RNF217: variants seen among roughly 807,000 people sequenced by gnomAD.
RNF217 encodes ring finger protein 217, also known as E3 ubiquitin-protein ligase RNF217.
RNF217 carries 31 observed loss-of-function variants against 57.8 expected under a neutral mutation model. That is an observed-to-expected ratio of 0.54 (90% CI 0.40 to 0.72). The LOEUF is 0.72. Ranked by LOEUF, RNF217 falls within the 30% of genes least tolerant of loss-of-function variation. RNF217 has a pLI of 0.00. For missense variants in RNF217, 696 were observed against 708.3 expected (o/e 0.98, Z 0.20); for synonymous variants, 313 against 294.0 (o/e 1.06, Z -0.66).
At chr6:125,078,573 T>C in intron 4 of RNF217, among the ~76,000 whole-genome samples, 1 of 152,118 alleles carries the variant, frequency 6.6e-6, no homozygotes, top group Non-Finnish European at 1.5e-5. Context: ...ACTTACCCTT[T>C]TGTCAGGAAC....
intron 1 of RNF217, among the ~76,000 whole-genome samples, chr6:125,000,058 T>C (rs1784917909): frequency 6.6e-6 from 1 of 152,152 alleles, no homozygotes; most frequent in Admixed American, 6.6e-5. Context: ...TCAAGCTATA[T>C]CTCTGTTTAA....
At chr6:125,069,678 G>A (rs1374963636) in intron 3 of RNF217, among the ~76,000 whole-genome samples, 2 of 152,078 alleles carry the variant, frequency 1.3e-5, no homozygotes, top group Non-Finnish European at 2.9e-5. Context: ...AGGACTCCTG[G>A]GTCCAACTGT....
intron 1 of RNF217, among the ~76,000 whole-genome samples, chr6:125,018,853 T>C (rs1332031682): frequency 1.3e-5 from 2 of 152,140 alleles, no homozygotes; most frequent in Non-Finnish European, 2.9e-5. Flanking sequence ...AGTGTGGTGA[T>C]ATAGATGCAC....
At chr6:124,982,650 T>G (rs1006206887) in intron 1 of RNF217, among the ~76,000 whole-genome samples, 2 of 152,190 alleles carry the variant, frequency 1.3e-5, no homozygotes, top group East Asian at 3.8e-4. Context: ...CATATGAGTC[T>G]ATGCTAGATC....
At chr6:124,984,541 C>CAAA (rs750251821) in intron 1 of RNF217, among the ~76,000 whole-genome samples, 20 of 74,186 alleles carry the variant, frequency 2.7e-4, no homozygotes, top group Non-Finnish European at 3.7e-4. Flanking sequence ...GACCCTTTCT[C>CAAA]AAAAAAAAAA....
rs2114667755 is a variant in RNF217 at position 125,085,754 on chromosome 6, G to A, written c.*2817G>A. On this transcript the variant is annotated 3_prime_UTR_variant, in exon 6 of 6. Coordinates refer to ENST00000521654, the MANE Select transcript of RNF217 (RefSeq NM_001286398.3). The stretch of plus-strand genomic sequence containing the variant: ...GTAACCACTGTTAATGGTTTGGTAT[G>A]TGTCCTTCCAGACACTTTCTACAAA... 1 of 151,904 alleles carries A rather than the reference G, an allele frequency of 6.6e-6. No homozygotes were observed. Among genetic ancestry groups the A allele is most frequent in the Non-Finnish European group, 1.5e-5 (1 of 67,792 alleles). The allele number at this position is 151,904 out of a possible 1,614,324, so 9.4% of individuals were successfully genotyped here.
chr6:124,972,843 T>G (rs1254892996), intron 1 of RNF217, among the ~76,000 whole-genome samples: 1 of 152,208 alleles, frequency 6.6e-6, no homozygotes, highest in African/African-American at 2.4e-5. Context: ...CTTAAGGTTA[T>G]CAAACTATAT....
chr6:125,092,139 G>T lies in RNF217; in HGVS notation c.*9202G>T, dbSNP rs1562506531. The T allele has an allele frequency of 6.6e-6, 1 of 151,798 alleles. No homozygotes were observed. Among genetic ancestry groups the T allele is most frequent in the African/African-American group, 2.4e-5 (1 of 41,330 alleles). 9.4% of individuals were successfully genotyped at this position (151,798 alleles called of 1,614,324 possible). A position where few individuals can be genotyped will look rare whatever the true frequency, so the allele number is the denominator to read the frequency against. On this transcript the variant is annotated 3_prime_UTR_variant, in exon 6 of 6. Transcript: ENST00000521654. Reference sequence around the variant, plus strand: ...GCTGGACAGGACCTGAAAATTAAGAGATTTTTTTTTTTAAGCAGTGAAATT... The same window carrying T: ...GCTGGACAGGACCTGAAAATTAAGATATTTTTTTTTTTAAGCAGTGAAATT...
intron 1 of RNF217, 39 bp downstream of exon 1, chr6:124,963,465 A>C: frequency 7.0e-7 from 1 of 1,433,578 alleles, no homozygotes; most frequent in Non-Finnish European, 9.1e-7. Context: ...TATCATTCCA[A>C]ATCACTGGCG....
chr6:125,030,413 C>A (rs1786303623), intron 1 of RNF217, among the ~76,000 whole-genome samples: 1 of 152,150 alleles, frequency 6.6e-6, no homozygotes, highest in East Asian at 1.9e-4. Context: ...CAAGGCAACT[C>A]CCTTCCTCCT....
chr6:125,040,568 A>T (rs557070957), intron 1 of RNF217, among the ~76,000 whole-genome samples: 1 of 152,168 alleles, frequency 6.6e-6, no homozygotes, highest in Admixed American at 6.5e-5. Context: ...AAAAGGAGGG[A>T]CTCCTCCGTA....
In RNF217 at chr6:125,013,626, A is replaced by G. The variant is rs1337903990; in HGVS notation, c.883-31585A>G. 5.3e-5 allele frequency among the ~76,000 whole-genome samples: 8 copies of G among 152,078 alleles called. No homozygotes were observed. In the East Asian group the frequency reaches 1.3e-3, roughly 26 times the overall value. On this transcript the variant is annotated intron_variant, in intron 1 of 5. Coordinates refer to ENST00000521654, the MANE Select transcript of RNF217 (RefSeq NM_001286398.3). ...CTTATAGAGTTCGTATTCAGCTACCATATCTAATTCATGTTAAATAGCACA... is the reference window on the plus strand; with the variant it reads ...CTTATAGAGTTCGTATTCAGCTACCGTATCTAATTCATGTTAAATAGCACA...
chr6:125,018,187 C>T (rs1785685490), intron 1 of RNF217, among the ~76,000 whole-genome samples: 1 of 152,090 alleles, frequency 6.6e-6, no homozygotes, highest in African/African-American at 2.4e-5. Flanking sequence ...TCATATAATG[C>T]CACTGTTTTA....
At chr6:124,967,734 A>G (rs1489824089) in intron 1 of RNF217, among the ~76,000 whole-genome samples, 3 of 152,214 alleles carry the variant, frequency 2.0e-5, no homozygotes, top group African/African-American at 7.2e-5. Flanking sequence ...CTATTATTAA[A>G]TTATGAGTCA....
rs754381165 is a variant in RNF217 at position 125,090,363 on chromosome 6, T to A, written c.*7426T>A. On this transcript the variant is annotated 3_prime_UTR_variant, in exon 6 of 6. Transcript: ENST00000521654. The stretch of plus-strand genomic sequence containing the variant: ...GTTAAAATGTTAACAAAGAACCAGT[T>A]GTTTTGATTCTATTTTAAACAAAAT... 4.6e-5 allele frequency: 7 copies of A among 152,058 alleles called. No individual in the cohort carries two copies. Among genetic ancestry groups the A allele is most frequent in the Non-Finnish European group, 7.4e-5 (5 of 67,944 alleles). The allele number at this position is 152,058 out of a possible 1,614,324, so 9.4% of individuals were successfully genotyped here.
intron 3 of RNF217, among the ~76,000 whole-genome samples, chr6:125,066,051 C>A (rs1787926666): frequency 6.6e-6 from 1 of 152,168 alleles, no homozygotes; most frequent in South Asian, 2.1e-4. Flanking sequence ...CTGCTTCTTT[C>A]ATTTCCCATG....
At chr6:125,032,466 A>T (rs1006571308) in intron 1 of RNF217, among the ~76,000 whole-genome samples, 3 of 151,198 alleles carry the variant, frequency 2.0e-5, no homozygotes, top group Non-Finnish European at 4.4e-5. Context: ...CAAATATATA[A>T]ATATATATAT....
At chr6:125,074,145 A>G (rs139746353) in intron 3 of RNF217, among the ~76,000 whole-genome samples, 158 of 152,228 alleles carry the variant, frequency 1.0e-3, no homozygotes, top group African/African-American at 3.6e-3. Flanking sequence ...CTGCCAGCCA[A>G]TTGACAAACT....
rs1463955364 is a variant in RNF217 at position 125,090,601 on chromosome 6, T to C, written c.*7664T>C. 1.3e-5 allele frequency: 2 copies of C among 151,704 alleles called. No homozygotes were observed. The highest frequency in any genetic ancestry group is 4.8e-5 in the African/African-American group (2 of 41,436). 9.4% of individuals were successfully genotyped at this position (151,704 alleles called of 1,614,324 possible). A position where few individuals can be genotyped will look rare whatever the true frequency, so the allele number is the denominator to read the frequency against. On this transcript the variant is annotated 3_prime_UTR_variant, in exon 6 of 6. Coordinates refer to ENST00000521654, the MANE Select transcript of RNF217 (RefSeq NM_001286398.3). ...AGAATGTATTCCATTTTAATTATATTCTCCTTAACAATAGAAAATTAGAAG... is the reference window on the plus strand; with the variant it reads ...AGAATGTATTCCATTTTAATTATATCCTCCTTAACAATAGAAAATTAGAAG...
Sources: gnomAD v4.1 joint callset for allele counts (sites outside exome capture counted in the v4.1 genomes callset) on GRCh38, gnomAD v4.1.1 for gene constraint, MANE v1.5 for transcripts, NCBI Gene and HGNC (gene_info 2026-07-23, HGNC 2026-07-21) for gene names.